GRID1: variants seen among roughly 807,000 people sequenced by gnomAD.
GRID1 encodes the protein glutamate receptor ionotropic, delta-1.
A neutral mutation model predicts 98.0 loss-of-function variants in GRID1; 28 were observed. The ratio of observed to expected loss-of-function variants is 0.29; its 90% CI spans 0.21 to 0.39. The LOEUF is 0.39. GRID1 is among the 10% of genes least tolerant of loss of function. The probability of loss-of-function intolerance (pLI) is 1.00; values close to 1 mark genes in which losing one functional copy is unlikely to be tolerated. For synonymous variants in GRID1, 553 were observed against 538.5 expected, an observed-to-expected ratio of 1.03 and a Z score of -0.37; for missense variants, 1,111 against 1,340.5, an observed-to-expected ratio of 0.83 and a Z score of 2.67.
At chr10:85,822,805 T>C (rs1842785240) in intron 8 of GRID1, among the ~76,000 whole-genome samples, 1 of 152,094 alleles carries the variant, frequency 6.6e-6, no homozygotes. Flanking sequence ...CCAACAATGA[T>C]AGATTGGATT....
intron 4 of GRID1, among the ~76,000 whole-genome samples, chr10:86,034,996 T>C (rs1408237398): frequency 1.3e-5 from 2 of 151,916 alleles, no homozygotes; most frequent in Non-Finnish European, 2.9e-5. Flanking sequence ...TGGATAAGTA[T>C]ACAGGTACAT....
chr10:85,767,322 TTATTAATTTC>T (rs1426615194), intron 8 of GRID1, among the ~76,000 whole-genome samples: 1 of 152,130 alleles, frequency 6.6e-6, no homozygotes, highest in Admixed American at 6.5e-5. Flanking sequence ...ATCCCCAACT[TTATTAATTTC>T]TTGTCCTCCA....
At position 86,366,791 on chromosome 10, in the gene GRID1, G is replaced by C. The variant is rs1238969370; in HGVS notation, c.-399C>G. Among the ~76,000 whole-genome samples, 1 of 150,316 alleles carries C rather than the reference G, an allele frequency of 6.7e-6. No homozygotes were observed. Among genetic ancestry groups the C allele is most frequent in the Non-Finnish European group, 1.5e-5 (1 of 67,004 alleles). ...GTGTGTCTGAGCCCCGGCGAGGAGC[G>C]AACTGCGGAGGACGCCCCCTCCCCT... On this transcript the variant is annotated 5_prime_UTR_variant, in exon 1 of 16. Transcript: ENST00000327946. This position sits in a 1 kb window ranked among gnomAD's most constrained non-coding sequence, Gnocchi z 4.1.
At chr10:85,915,771 C>T (rs1332966487) in intron 5 of GRID1, among the ~76,000 whole-genome samples, 1 of 152,056 alleles carries the variant, frequency 6.6e-6, no homozygotes, top group Admixed American at 6.5e-5. Flanking sequence ...CACACTCTTG[C>T]TCACACTCAT....
At chr10:86,114,344 A>G (rs1267019768) in intron 4 of GRID1, among the ~76,000 whole-genome samples, 1 of 152,130 alleles carries the variant, frequency 6.6e-6, no homozygotes, top group Non-Finnish European at 1.5e-5. Context: ...GGGAGTGGAC[A>G]GGGAAGGCAG....
At chr10:85,877,138 G>A (rs1366755827) in intron 5 of GRID1, among the ~76,000 whole-genome samples, 18 of 152,378 alleles carry the variant, frequency 1.2e-4, no homozygotes, top group African/African-American at 3.1e-4. Context: ...CCACAGCTCA[G>A]GGAGGCCTGC....
At chr10:85,642,370 T>C (rs117507114) in intron 13 of GRID1, among the ~76,000 whole-genome samples, 3,267 of 152,322 alleles carry the variant, frequency 0.021, 41 homozygotes, top group African/African-American at 0.032. Context: ...TCTCTCTTTG[T>C]GACACATCTT....
At chr10:85,811,320 G>A (rs928413839) in intron 8 of GRID1, among the ~76,000 whole-genome samples, 1 of 152,098 alleles carries the variant, frequency 6.6e-6, no homozygotes, top group African/African-American at 2.4e-5. Flanking sequence ...TAAGGACACA[G>A]CAAACTTGAG....
chr10:85,618,077 G>A (rs759434186), intron 14 of GRID1, among the ~76,000 whole-genome samples: 1 of 152,192 alleles, frequency 6.6e-6, no homozygotes, highest in Non-Finnish European at 1.5e-5. Context: ...CCTAATGGGA[G>A]CCCCCTCTGC....
intron 12 of GRID1, among the ~76,000 whole-genome samples, chr10:85,664,954 G>T (rs1355351705): frequency 6.6e-6 from 1 of 152,102 alleles, no homozygotes; most frequent in Admixed American, 6.5e-5. Flanking sequence ...CACTTAGGCA[G>T]TTTCTAGTAC....
At chr10:85,678,122 A>T (rs1261957559) in intron 12 of GRID1, among the ~76,000 whole-genome samples, 1 of 152,132 alleles carries the variant, frequency 6.6e-6, no homozygotes, top group African/African-American at 2.4e-5. Flanking sequence ...GCCAAAGCTA[A>T]GGCAAGACAT....
At chr10:85,996,963 A>G (rs1231200415) in intron 4 of GRID1, among the ~76,000 whole-genome samples, 8 of 152,146 alleles carry the variant, frequency 5.3e-5, no homozygotes, top group Non-Finnish European at 1.0e-4. Flanking sequence ...ACAGAATAAA[A>G]CTAAAGAAAC....
At chr10:86,054,627 G>A (rs1357476345) in intron 4 of GRID1, among the ~76,000 whole-genome samples, 2 of 152,200 alleles carry the variant, frequency 1.3e-5, no homozygotes, top group Non-Finnish European at 2.9e-5. Context: ...CTGACCCTGT[G>A]TCTAGCTCTG....
At chr10:86,326,700 T>G (rs1848055666) in intron 2 of GRID1, among the ~76,000 whole-genome samples, 1 of 152,124 alleles carries the variant, frequency 6.6e-6, no homozygotes. Flanking sequence ...TGAAGTCCCA[T>G]GGATGCACAT....
In GRID1 at chr10:85,993,272, C is replaced by T. The variant is rs1346745633; in HGVS notation, c.727-77033G>A. On this transcript the variant is annotated intron_variant, in intron 4 of 15. Coordinates refer to ENST00000327946, the MANE Select transcript of GRID1 (RefSeq NM_017551.3). ...AGAATCTGTGCAGGTGCAGGGGCAGCTTTGGCCAAGGTAAGCAAGGCAGTA... is the reference window on the plus strand; with the variant it reads ...AGAATCTGTGCAGGTGCAGGGGCAGTTTTGGCCAAGGTAAGCAAGGCAGTA... Among the ~76,000 whole-genome samples, 3 of 152,212 alleles carry T rather than the reference C, an allele frequency of 2.0e-5. No individual in the cohort carries two copies. In the East Asian group the frequency reaches 5.8e-4, roughly 30 times the overall value.
chr10:86,193,053 T>A lies in GRID1; in HGVS notation c.520+13311A>T, dbSNP rs527698573. ...ATGCCTCCCAGTTCCCTTAGCCCCA[T>A]CCAGCCTCAGCATCTCCTAACTTGG... On this transcript the variant is annotated intron_variant, in intron 3 of 15. Transcript: ENST00000327946. 2.6e-5 allele frequency among the ~76,000 whole-genome samples: 4 copies of A among 152,140 alleles called. No individual in the cohort carries two copies. In the East Asian group the frequency reaches 7.7e-4, roughly 29 times the overall value.
At chr10:86,073,968 G>C (rs999983935) in intron 4 of GRID1, among the ~76,000 whole-genome samples, 1 of 136,624 alleles carries the variant, frequency 7.3e-6, no homozygotes, top group Non-Finnish European at 1.6e-5. Flanking sequence ...GAGGGTGGGG[G>C]AAATTCCCAT....
Position 86,236,369 on chromosome 10 carries a change from A to T in GRID1, c.236-29721T>A, listed in dbSNP as rs576130812. 4.9e-4 allele frequency among the ~76,000 whole-genome samples: 75 copies of T among 152,350 alleles called. No individual in the cohort carries two copies. In the East Asian group the frequency reaches 0.012, roughly 25 times the overall value. ...AATGTCTTCACCTGCAAGTTGAAGT[A>T]TGCCATAACACTTTACCATGTTGTA... On this transcript the variant is annotated intron_variant, in intron 2 of 15. Transcript: ENST00000327946.
intron 10 of GRID1, among the ~76,000 whole-genome samples, chr10:85,725,709 T>A (rs1462862612): frequency 6.6e-6 from 1 of 152,114 alleles, no homozygotes; most frequent in African/African-American, 2.4e-5. Flanking sequence ...ACCTCCAAGC[T>A]CAAACTGAGG....
Sources: gnomAD v4.1 joint callset for allele counts (sites outside exome capture counted in the v4.1 genomes callset) on GRCh38, gnomAD v4.1.1 for gene constraint, Gnocchi (gnomAD v3.1) non-coding constraint, MANE v1.5 for transcripts, NCBI Gene and HGNC (gene_info 2026-07-23, HGNC 2026-07-21) for gene names.